Variants in MAN2B1 observed in about 807,000 individuals in gnomAD.
MAN2B1 encodes mannosidase alpha class 2B member 1, also known as lysosomal alpha-mannosidase.
MAN2B1 carries 99 observed loss-of-function variants against 127.5 expected under a neutral mutation model. The observed-to-expected ratio is 0.78, with a 90% CI of 0.66 to 0.92. MAN2B1 has a LOEUF of 0.92. Among genes scored for constraint, MAN2B1 ranks in the 40% least tolerant of loss-of-function variants. MAN2B1 has a pLI of 0.00. For synonymous variants in MAN2B1, 573 were observed against 568.8 expected (o/e 1.01, Z -0.11); for missense variants, 1,304 against 1,384.8 (o/e 0.94, Z 0.93).
Position 12,663,826 on chromosome 19 carries a change from C to A in MAN2B1, c.640G>T (p.Asp214Tyr). 1 of 1,614,172 alleles carries A rather than the reference C, an allele frequency of 6.2e-7. No homozygotes were observed. The highest frequency in any genetic ancestry group is 8.5e-7 in the Non-Finnish European group (1 of 1,180,028). The change falls in exon 5 of 24, where the codon GAC becomes TAC. Residue 214 changes from aspartate to tyrosine, a missense_variant. Transcript: ENST00000456935. ...QASLFAQMGF[D>Y]GFFFGRLDYQ... ...TCAAGGCGCCCAAAGAAGAAGCCGT[C>A]GAAGCCCATCTGGGGATGAGGGAGG...
At position 12,658,333 on chromosome 19, in the gene MAN2B1, T is replaced by A. The variant is rs753701935; in HGVS notation, c.1121A>T (p.His374Leu). ...ATCCGCGTAAGGGAAGAAGTCGTCA[T>A]GTTTCACTGACCTACAGCGGCAGGG... ...NKANLTWSVK[H>L]DDFFPYADGP... is the part of the protein sequence containing the mutation. The change falls in exon 9 of 24, where the codon CAT (histidine) becomes CTT (leucine). Residue 374 changes from histidine to leucine, a missense_variant. By Grantham distance (99) the His-to-Leu change is moderately conservative. Transcript: ENST00000456935. 3 of 1,614,100 alleles carry A rather than the reference T, an allele frequency of 1.9e-6. No individual in the cohort carries two copies. Among genetic ancestry groups the A allele is most frequent in the Non-Finnish European group, 2.5e-6 (3 of 1,180,050 alleles).
chr19:12,647,757 G>A lies in MAN2B1; in HGVS notation c.2665-159C>T, dbSNP rs1303734830. 1 of 645,494 alleles carries A rather than the reference G, an allele frequency of 1.5e-6. No individual in the cohort carries two copies. The highest frequency in any genetic ancestry group is 2.7e-5 in the East Asian group (1 of 36,708). The allele number at this position is 645,494 out of a possible 1,614,324, so 40.0% of individuals were successfully genotyped here. A position where few individuals can be genotyped will look rare whatever the true frequency, so the allele number is the denominator to read the frequency against. ...AGAGGAGCGGCCAGGGCCGTGACAG[G>A]GAGGACTGAGCCAATGGGGAGATGG... On this transcript the variant is annotated intron_variant, in intron 21 of 23. Coordinates refer to ENST00000456935, the MANE Select transcript of MAN2B1 (RefSeq NM_000528.4). The surrounding 1 kb of genome is among the most constrained non-coding windows in gnomAD (Gnocchi z 4.9).
intron 6 of MAN2B1, 51 bp downstream of exon 6, chr19:12,663,266 G>T: frequency 6.2e-7 from 1 of 1,604,248 alleles, no homozygotes; most frequent in Non-Finnish European, 8.5e-7. Context: ...CATGGAAAGA[G>T]CTCATTGTAT....
chr19:12,657,080 G>T, intron 11 of MAN2B1, 24 bp from the exon 12 acceptor site: 2 of 1,427,172 alleles, frequency 1.4e-6, no homozygotes, highest in Non-Finnish European at 2.0e-6. Flanking sequence ...CAAAGGGACC[G>T]GTGGGTTCAG....
rs1369828870 is a variant in MAN2B1 at position 12,665,800 on chromosome 19, G to A, written c.165C>T (p.Cys55=). ...TCAGCATGTTCGGCTGCACTGTGGG[G>A]CATGTCTGCACAGGGACCCCAAACA... ...AGARAGGYET[C]PTVQPNMLNV... The change falls in exon 2 of 24, where the codon TGC becomes TGT. Residue 55 remains cysteine, a synonymous_variant. Transcript: ENST00000456935. 1.2e-5 allele frequency: 20 copies of A among 1,613,088 alleles called. No homozygotes were observed. Among genetic ancestry groups the A allele is most frequent in the Non-Finnish European group, 1.7e-5 (20 of 1,179,536 alleles).
rs557695977 is a variant in MAN2B1 at position 12,663,297 on chromosome 19, G to T, written c.909+20C>A. On this transcript the variant is annotated intron_variant, in intron 6 of 23. Transcript: ENST00000456935. ...TGTATTGTATATACCGGACTCGAAG[G>T]TTCTGGACACCAGGGTTACCTGGGC... 9 of 1,614,150 alleles carry T rather than the reference G, an allele frequency of 5.6e-6. No individual in the cohort carries two copies. In the Admixed American group the frequency reaches 1.5e-4, roughly 27 times the overall value.
chr19:12,646,941 C>T (rs529610348), intron 23 of MAN2B1: 9 of 612,072 alleles, frequency 1.5e-5, no homozygotes, highest in East Asian at 2.7e-5. Context: ...CCACTGTCCT[C>T]GTACCCTCAA....
chr19:12,665,759 G>A lies in MAN2B1; in HGVS notation c.206C>T (p.Pro69Leu). ...CCAGCCCACGTCATCATGTGTGTGAGGCAGCAGGTGCACGTTCAGCATGTT... is the reference window on the plus strand; with the variant it reads ...CCAGCCCACGTCATCATGTGTGTGAAGCAGCAGGTGCACGTTCAGCATGTT... ...QPNMLNVHLL[P>L]HTHDDVGWLK... Residue 69 changes from proline to leucine, a missense_variant, in exon 2 of 24, where the codon CCT becomes CTT. Coordinates refer to ENST00000456935, the MANE Select transcript of MAN2B1 (RefSeq NM_000528.4). The A allele has an allele frequency of 3.7e-6, 6 of 1,614,166 alleles. No homozygotes were observed. The highest frequency in any genetic ancestry group is 5.1e-6 in the Non-Finnish European group (6 of 1,180,024).
chr19:12,652,130 A>G (rs754730119), intron 16 of MAN2B1, 23 bp downstream of exon 16: 1 of 1,581,770 alleles, frequency 6.3e-7, no homozygotes, highest in Non-Finnish European at 8.7e-7. Context: ...CCAACTGCCC[A>G]CTCATCATTC....
At chr19:12,662,056 G>T in intron 6 of MAN2B1, among the ~76,000 whole-genome samples, 1 of 152,088 alleles carries the variant, frequency 6.6e-6, no homozygotes, top group African/African-American at 2.4e-5. Flanking sequence ...TTTTGGCTAT[G>T]CTGGTCTTGA....
chr19:12,651,500 A>C (rs2023840570), intron 16 of MAN2B1, among the ~76,000 whole-genome samples: 1 of 152,238 alleles, frequency 6.6e-6, no homozygotes, highest in Admixed American at 6.5e-5. Flanking sequence ...TTTTGTTAGA[A>C]GAAAATAATC....
chr19:12,655,837 C>A lies in MAN2B1; in HGVS notation c.1687G>T (p.Glu563Ter), dbSNP rs1057516927. 2 of 1,613,708 alleles carry A rather than the reference C, an allele frequency of 1.2e-6. No individual in the cohort carries two copies. Among genetic ancestry groups the A allele is most frequent in the Admixed American group, 3.3e-5 (2 of 59,954 alleles). ...GGCAGTGAGGCTGAGAACAGCAGCTCCGGAGGGTGCGCCTGGCTGTCTGAG... is the reference window on the plus strand; with the variant it reads ...GGCAGTGAGGCTGAGAACAGCAGCTACGGAGGGTGCGCCTGGCTGTCTGAG... ...PSSDSQAHPP[E>*]LLFSASLPAL... is the part of the protein sequence containing the mutation. Residue 563 changes from glutamate (E) to a stop codon, truncating the protein, a stop_gained, in exon 14 of 24, where the codon GAG becomes TAG. Coordinates refer to ENST00000456935, the MANE Select transcript of MAN2B1 (RefSeq NM_000528.4). LOFTEE classifies it high-confidence loss of function.
intron 13 of MAN2B1, 124 bp from the exon 14 acceptor site, chr19:12,656,003 G>T: frequency 1.4e-6 from 1 of 738,536 alleles, no homozygotes; most frequent in Non-Finnish European, 2.3e-6. Flanking sequence ...AGGTGTGTGT[G>T]GTGGGGGGAC....
intron 16 of MAN2B1, among the ~76,000 whole-genome samples, chr19:12,651,109 G>A (rs762491767): frequency 6.6e-6 from 1 of 151,870 alleles, no homozygotes; most frequent in Non-Finnish European, 1.5e-5. Context: ...TTACAGGCAT[G>A]AGCCACTGCA....
chr19:12,657,201 T>C, intron 11 of MAN2B1, 145 bp from the exon 12 acceptor site: 1 of 706,236 alleles, frequency 1.4e-6, no homozygotes, highest in African/African-American at 1.9e-5. Flanking sequence ...CCTGCTGCCC[T>C]TGACTATACC....
At position 12,657,030 on chromosome 19, in the gene MAN2B1, C is replaced by A; in HGVS notation, c.1446G>T (p.Arg482=). 6.2e-7 allele frequency: 1 copy of A among 1,612,550 alleles called. No individual in the cohort carries two copies. The highest frequency in any genetic ancestry group is 8.5e-7 in the Non-Finnish European group (1 of 1,179,686). ...TGAAGTGATCTTTGAAGCCTCTGAG[C>A]CGCGCCAGCGCGTTGCTCAGAAGAA... is the stretch of plus-strand genomic sequence containing the variant. ...CEVLLSNALA[R]LRGFKDHFTF... Residue 482 remains arginine, a synonymous_variant, in exon 12 of 24, where the codon CGG becomes CGT. Coordinates refer to ENST00000456935, the MANE Select transcript of MAN2B1 (RefSeq NM_000528.4).
chr19:12,656,053 A>T, intron 13 of MAN2B1, 174 bp from the exon 14 acceptor site: 2 of 559,178 alleles, frequency 3.6e-6, no homozygotes, highest in Non-Finnish European at 6.3e-6. Flanking sequence ...AAGATTCACC[A>T]GGTGGAAAAA....
In MAN2B1 at chr19:12,658,109, C is replaced by G; in HGVS notation, c.1263G>C (p.Leu421=). ...VCNQLEALVG[L]AANVGPYGSG... is the part of the protein sequence containing the mutation. ...AGCCATAGGGTCCCACGTTGGCCGC[C>G]AGGCCCACCAGCGCCTCCAGCTGGT... The change falls in exon 10 of 24, where the codon CTG becomes CTC. Residue 421 remains leucine (L), a synonymous_variant. Transcript: ENST00000456935. 1 of 1,613,468 alleles carries G rather than the reference C, an allele frequency of 6.2e-7. No homozygotes were observed. The highest frequency in any genetic ancestry group is 8.5e-7 in the Non-Finnish European group (1 of 1,179,982).
chr19:12,655,126 C>T (rs2023927168), intron 14 of MAN2B1, among the ~76,000 whole-genome samples: 1 of 152,156 alleles, frequency 6.6e-6, no homozygotes. Context: ...TCAAGTGATC[C>T]TCCCGCTTCA....
Sources: allele counts gnomAD v4.1 joint callset (sites outside exome capture counted in the v4.1 genomes callset), GRCh38; gene constraint gnomAD v4.1.1; non-coding constraint Gnocchi (gnomAD v3.1); transcripts MANE v1.5; gene names NCBI Gene and HGNC (gene_info 2026-07-23, HGNC 2026-07-21).